CDK6: variants seen among roughly 807,000 people sequenced by gnomAD.
The protein encoded by CDK6 is cyclin-dependent kinase 6.
Under a neutral mutation model 37.1 loss-of-function variants are expected in CDK6, and 6 were observed. The ratio of observed to expected loss-of-function variants is 0.16; its 90% CI spans 0.09 to 0.32. The LOEUF (loss-of-function observed/expected upper bound fraction) is 0.32. Among genes scored for constraint, CDK6 ranks in the 10% least tolerant of loss-of-function variants. The pLI is 1.00. For missense variants in CDK6, 224 were observed against 418.9 expected (o/e 0.53, Z 4.06); for synonymous variants, 160 against 161.3 (o/e 0.99, Z 0.06).
chr7:92,748,408 T>A, intron 3 of CDK6, among the ~76,000 whole-genome samples: 1 of 152,192 alleles, frequency 6.6e-6, no homozygotes, highest in African/African-American at 2.4e-5. Flanking sequence ...ATGCCAGTAT[T>A]ATTACTGGTC....
chr7:92,758,151 A>G (rs1799361156), intron 3 of CDK6, among the ~76,000 whole-genome samples: 1 of 152,134 alleles, frequency 6.6e-6, no homozygotes, highest in South Asian at 2.1e-4. Flanking sequence ...CATAAACTTA[A>G]TTAGAGCTCA....
intron 4 of CDK6, among the ~76,000 whole-genome samples, chr7:92,712,284 G>A (rs1388299098): frequency 2.0e-5 from 3 of 152,070 alleles, no homozygotes; most frequent in Non-Finnish European, 2.9e-5. Context: ...TCTTATAAAT[G>A]GGGCTATTTC....
At chr7:92,645,484 A>G (rs1291956564) in intron 5 of CDK6, among the ~76,000 whole-genome samples, 2 of 152,226 alleles carry the variant, frequency 1.3e-5, no homozygotes, top group Admixed American at 6.5e-5. Flanking sequence ...GCACATGATA[A>G]TAAGATTTCC....
intron 2 of CDK6, among the ~76,000 whole-genome samples, chr7:92,807,417 TA>T (rs1192122636): frequency 6.6e-6 from 1 of 151,568 alleles, no homozygotes; most frequent in Non-Finnish European, 1.5e-5. Context: ...TATCTAGATA[TA>T]GATAGATATA....
chr7:92,791,745 T>C (rs1800286798), intron 2 of CDK6, among the ~76,000 whole-genome samples: 1 of 152,140 alleles, frequency 6.6e-6, no homozygotes, highest in South Asian at 2.1e-4. Context: ...CAGTCTGGAA[T>C]TTGCCAGATA....
intron 4 of CDK6, among the ~76,000 whole-genome samples, chr7:92,705,708 G>A (rs1041389702): frequency 6.6e-6 from 1 of 152,162 alleles, no homozygotes; most frequent in Non-Finnish European, 1.5e-5. Context: ...GCCAGGGTAC[G>A]TTTTCTTTGG....
At chr7:92,671,285 G>T in intron 5 of CDK6, 141 bp downstream of exon 5, 1 of 493,320 alleles carries the variant, frequency 2.0e-6, no homozygotes. Context: ...TTTCAGGACA[G>T]GCTTGCAAGT....
At chr7:92,771,438 T>G (rs1336439660) in intron 3 of CDK6, among the ~76,000 whole-genome samples, 1 of 152,138 alleles carries the variant, frequency 6.6e-6, no homozygotes, top group Non-Finnish European at 1.5e-5. Flanking sequence ...TACCTATGAT[T>G]TGGATCCTTT....
chr7:92,605,109 C>T lies in CDK6; in HGVS notation c.*10031G>A. The T allele has an allele frequency of 4.3e-6, 1 of 232,104 alleles. No homozygotes were observed. The highest frequency in any genetic ancestry group is 6.1e-5 in the East Asian group (1 of 16,270). The allele number at this position is 232,104 out of a possible 1,614,324, so 14.4% of individuals were successfully genotyped here. ...AAATACAAAAGGTATTACAAATATA[C>T]AAACTATTTGCTCTTTTTGCCTCAT... On this transcript the variant is annotated 3_prime_UTR_variant, in exon 8 of 8. Transcript: ENST00000424848.
chr7:92,624,800 T>C (rs1224214725), intron 5 of CDK6, among the ~76,000 whole-genome samples: 1 of 152,164 alleles, frequency 6.6e-6, no homozygotes, highest in Non-Finnish European at 1.5e-5. Flanking sequence ...TAGTGCCAAG[T>C]GCCCCAAACA....
At chr7:92,779,171 C>T (rs1799925112) in intron 2 of CDK6, among the ~76,000 whole-genome samples, 1 of 151,986 alleles carries the variant, frequency 6.6e-6, no homozygotes, top group Admixed American at 6.6e-5. Flanking sequence ...TCTAACCCAC[C>T]CAAGTTGCTT....
intron 3 of CDK6, among the ~76,000 whole-genome samples, chr7:92,745,846 G>T (rs946609658): frequency 1.3e-5 from 2 of 152,090 alleles, no homozygotes; most frequent in African/African-American, 4.8e-5. Context: ...TACAGCAAAA[G>T]AATGAAAATT....
intron 2 of CDK6, among the ~76,000 whole-genome samples, chr7:92,831,859 C>A (rs1394319251): frequency 1.3e-5 from 2 of 152,176 alleles, no homozygotes; most frequent in East Asian, 3.9e-4. Flanking sequence ...GATATTTGGT[C>A]TCTCTGAGTC....
chr7:92,758,832 C>T (rs1309374977), intron 3 of CDK6, among the ~76,000 whole-genome samples: 1 of 152,054 alleles, frequency 6.6e-6, no homozygotes, highest in African/African-American at 2.4e-5. Context: ...TTGTAATTTT[C>T]ATTGCAGAGA....
At chr7:92,627,941 AC>A (rs1279361737) in intron 5 of CDK6, among the ~76,000 whole-genome samples, 4 of 151,890 alleles carry the variant, frequency 2.6e-5, no homozygotes, top group Non-Finnish European at 5.9e-5. Context: ...TAAAAAAAAA[AC>A]TGCTAGGAAA....
intron 4 of CDK6, among the ~76,000 whole-genome samples, chr7:92,689,758 A>G (rs943633982): frequency 6.6e-6 from 1 of 152,218 alleles, no homozygotes; most frequent in East Asian, 1.9e-4. Flanking sequence ...CCAACAATGT[A>G]TAAGCATTCC....
intron 5 of CDK6, among the ~76,000 whole-genome samples, chr7:92,633,728 A>G (rs1406980238): frequency 6.6e-6 from 1 of 151,876 alleles, no homozygotes; most frequent in Non-Finnish European, 1.5e-5. Context: ...GCATAATGTA[A>G]TGTGTTAGTT....
chr7:92,815,882 G>C, intron 2 of CDK6, among the ~76,000 whole-genome samples: 1 of 152,080 alleles, frequency 6.6e-6, no homozygotes, highest in South Asian at 2.1e-4. Context: ...AATGATTCCA[G>C]AGCTCACAGA....
At chr7:92,700,662 G>T (rs550951930) in intron 4 of CDK6, among the ~76,000 whole-genome samples, 3 of 152,186 alleles carry the variant, frequency 2.0e-5, no homozygotes, top group African/African-American at 7.2e-5. Context: ...CCTGCCTCCA[G>T]GATTACCTCC....
Sources: allele counts gnomAD v4.1 joint callset (sites outside exome capture counted in the v4.1 genomes callset), GRCh38; gene constraint gnomAD v4.1.1; transcripts MANE v1.5; gene names NCBI Gene and HGNC (gene_info 2026-07-23, HGNC 2026-07-21).